The following PAK5 variants were observed in gnomAD, a reference collection of about 807,000 sequenced individuals.
PAK5 encodes the protein p21 (RAC1) activated kinase 5.
In PAK5, 16 loss-of-function variants were observed where a neutral mutation model predicts 65.9. The observed-to-expected ratio is 0.24, with a 90% CI of 0.16 to 0.37. The LOEUF is 0.37. PAK5 is among the 10% of genes least tolerant of loss of function. The pLI, the probability that PAK5 is intolerant of heterozygous loss-of-function variation, is 1.00. For missense variants in PAK5, 785 were observed against 903.9 expected, an observed-to-expected ratio of 0.87 and a Z score of 1.69; for synonymous variants, 371 against 354.9, an observed-to-expected ratio of 1.05 and a Z score of -0.51.
intron 1 of PAK5, among the ~76,000 whole-genome samples, chr20:9,780,233 G>C (rs934755152): frequency 6.6e-6 from 1 of 151,998 alleles, no homozygotes; most frequent in Non-Finnish European, 1.5e-5. Flanking sequence ...GTTTATTTCT[G>C]TGAAAGACTA....
chr20:9,640,431 T>C (rs536289938), intron 3 of PAK5, among the ~76,000 whole-genome samples: 2 of 152,274 alleles, frequency 1.3e-5, no homozygotes, highest in South Asian at 4.1e-4. Context: ...ATGGTATATA[T>C]GTGCAACATT....
At chr20:9,560,609 G>C (rs1028292022) in intron 6 of PAK5, among the ~76,000 whole-genome samples, 3 of 152,146 alleles carry the variant, frequency 2.0e-5, no homozygotes, top group Admixed American at 2.0e-4. Context: ...TGATCCTCCT[G>C]CCTTGGTCTC....
intron 1 of PAK5, among the ~76,000 whole-genome samples, chr20:9,781,942 T>G (rs1222969777): frequency 1.3e-5 from 2 of 152,182 alleles, no homozygotes; most frequent in African/African-American, 4.8e-5. Context: ...GTCCGAATAA[T>G]TTTTAAGTGA....
intron 5 of PAK5, among the ~76,000 whole-genome samples, chr20:9,564,213 ATG>A (rs1273544642): frequency 6.6e-6 from 1 of 152,244 alleles, no homozygotes; most frequent in East Asian, 1.9e-4. Context: ...AAAATACTTT[ATG>A]TGTTTTCTAA....
chr20:9,746,901 T>C (rs1011728561), intron 1 of PAK5, among the ~76,000 whole-genome samples: 2 of 152,002 alleles, frequency 1.3e-5, no homozygotes, highest in Admixed American at 6.6e-5. Flanking sequence ...CAGGAGCTGG[T>C]TTTTTGAAAG....
chr20:9,701,512 A>C (rs2047939300), intron 2 of PAK5, among the ~76,000 whole-genome samples: 1 of 152,188 alleles, frequency 6.6e-6, no homozygotes, highest in Non-Finnish European at 1.5e-5. Context: ...CCTCTGATTC[A>C]TTCAATTAAA....
rs187864087 is a variant in PAK5, at chr20:9,769,342, T to C, written c.-161-57907A>G. Among the ~76,000 whole-genome samples the C allele has an allele frequency of 4.0e-3, 606 of 152,368 alleles. 3 individuals carry two copies. Among genetic ancestry groups the C allele is most frequent in the Middle Eastern group, 6.8e-3 (2 of 294 alleles). ...TTCTGCCCATGGATAAAATATGCCA[T>C]TGATACACAAGGCAGGGGTTCTAAT... On this transcript the variant is annotated intron_variant, in intron 1 of 9. Transcript: ENST00000353224.
chr20:9,828,620 A>G (rs1299463755), intron 1 of PAK5, among the ~76,000 whole-genome samples: 1 of 152,212 alleles, frequency 6.6e-6, no homozygotes, highest in Non-Finnish European at 1.5e-5. Context: ...GCTGACAGCT[A>G]AAAACAATTA....
At chr20:9,559,916 G>A (rs775505682) in intron 6 of PAK5, among the ~76,000 whole-genome samples, 2 of 152,080 alleles carry the variant, frequency 1.3e-5, no homozygotes, top group South Asian at 2.1e-4. Context: ...GTTTTCACAC[G>A]ACCATTTTCA....
chr20:9,680,254 T>A (rs1016751580), intron 2 of PAK5, among the ~76,000 whole-genome samples: 4 of 152,182 alleles, frequency 2.6e-5, no homozygotes, highest in African/African-American at 9.6e-5. Flanking sequence ...CACTGTAATT[T>A]AGTAAGTTAA....
intron 1 of PAK5, among the ~76,000 whole-genome samples, chr20:9,725,375 A>C (rs1476385089): frequency 6.6e-6 from 1 of 152,188 alleles, no homozygotes; most frequent in African/African-American, 2.4e-5. Context: ...TGATTGCATA[A>C]AAATAAGACT....
chr20:9,818,033 A>G (rs568681931), intron 1 of PAK5, among the ~76,000 whole-genome samples: 1 of 152,362 alleles, frequency 6.6e-6, no homozygotes, highest in Admixed American at 6.5e-5. Context: ...AGGATTTTTT[A>G]AAAAGAAACA....
intron 3 of PAK5, among the ~76,000 whole-genome samples, chr20:9,621,786 G>T (rs972624036): frequency 1.3e-5 from 2 of 152,184 alleles, no homozygotes; most frequent in Non-Finnish European, 2.9e-5. Flanking sequence ...GGGGCCTGCG[G>T]TGTTATGCCT....
chr20:9,716,226 G>C (rs914208556), intron 1 of PAK5, among the ~76,000 whole-genome samples: 3 of 125,780 alleles, frequency 2.4e-5, no homozygotes, highest in African/African-American at 8.8e-5. Flanking sequence ...TTAGTAAAAA[G>C]CAATGCCTTA....
Position 9,772,449 on chromosome 20 carries a change from AG to A in PAK5, c.-161-61015del, listed in dbSNP as rs1008616808. 6.9e-5 allele frequency among the ~76,000 whole-genome samples: 7 copies of A among 101,652 alleles called. 1 individual carries two copies. In the Admixed American group the frequency reaches 7.1e-4, roughly 10 times the overall value. 66.7% of individuals were successfully genotyped at this position (101,652 alleles called of 152,430 possible). A position where few individuals can be genotyped will look rare whatever the true frequency, so the allele number is the denominator to read the frequency against. Reference sequence around the variant, plus strand: ...ATCCCTGTGAAGGAATATCCCCGCTAGGGGATGTATGCCATTGGTCAGAGGT... The same window carrying A: ...ATCCCTGTGAAGGAATATCCCCGCTAGGGATGTATGCCATTGGTCAGAGGT... On this transcript the variant is annotated intron_variant, in intron 1 of 9. Transcript: ENST00000353224.
intron 2 of PAK5, among the ~76,000 whole-genome samples, chr20:9,670,529 T>C (rs540107094): frequency 6.6e-6 from 1 of 152,350 alleles, no homozygotes; most frequent in East Asian, 1.9e-4. Flanking sequence ...CCAGTGATGA[T>C]GAGCATTTTT....
At position 9,537,422 on chromosome 20, in the gene PAK5, C is replaced by T. The variant is rs994937700; in HGVS notation, c.*2040G>A. 5 of 202,594 alleles carry T rather than the reference C, an allele frequency of 2.5e-5. No individual in the cohort carries two copies. Among genetic ancestry groups the T allele is most frequent in the African/African-American group, 9.2e-5 (4 of 43,594 alleles). 12.5% of individuals were successfully genotyped at this position (202,594 alleles called of 1,614,324 possible). On this transcript the variant is annotated 3_prime_UTR_variant, in exon 10 of 10. Coordinates refer to ENST00000353224, the MANE Select transcript of PAK5 (RefSeq NM_177990.4). ...AAACATTTATTTTTATTTGCAAATG[C>T]AGTTTCTGCCAATAGTTAGTGCTCA...
In PAK5 at chr20:9,832,305, C is replaced by T. The variant is rs538872363; in HGVS notation, c.-162+6457G>A. ...TTTTTTTAATGGTGACAGAGTATCACTCTGTCACCAAGCCTGGAGTGCAGT... is the reference window on the plus strand; with the variant it reads ...TTTTTTTAATGGTGACAGAGTATCATTCTGTCACCAAGCCTGGAGTGCAGT... On this transcript the variant is annotated intron_variant, in intron 1 of 9. Transcript: ENST00000353224. Among the ~76,000 whole-genome samples the T allele has an allele frequency of 2.0e-5, 3 of 152,052 alleles. No homozygotes were observed. In the South Asian group the frequency reaches 6.2e-4, roughly 32 times the overall value.
At chr20:9,675,938 G>A (rs1186770902) in intron 2 of PAK5, among the ~76,000 whole-genome samples, 3 of 152,150 alleles carry the variant, frequency 2.0e-5, no homozygotes, top group African/African-American at 4.8e-5. Flanking sequence ...AATTGGTAAA[G>A]TAAGGCAACA....
Sources: allele counts gnomAD v4.1 joint callset (sites outside exome capture counted in the v4.1 genomes callset), GRCh38; gene constraint gnomAD v4.1.1; transcripts MANE v1.5; gene names NCBI Gene and HGNC (gene_info 2026-07-23, HGNC 2026-07-21).